The following EEA1 variants were observed in gnomAD, a reference collection of about 807,000 sequenced individuals.
EEA1 encodes early endosome antigen 1.
EEA1 carries 111 observed loss-of-function variants against 209.2 expected under a neutral mutation model. The observed-to-expected ratio is 0.53, with a 90% CI of 0.45 to 0.62. The LOEUF (loss-of-function observed/expected upper bound fraction) is 0.62. Ranked by LOEUF, EEA1 falls within the 20% of genes least tolerant of loss-of-function variation. EEA1 has a pLI of 0.00. For synonymous variants in EEA1, 536 were observed against 540.6 expected, an observed-to-expected ratio of 0.99 and a Z score of 0.12; for missense variants, 1,343 against 1,530.8, an observed-to-expected ratio of 0.88 and a Z score of 2.05.
chr12:92,835,908 T>C (rs1323237419), intron 10 of EEA1, among the ~76,000 whole-genome samples: 1 of 152,214 alleles, frequency 6.6e-6, no homozygotes, highest in Non-Finnish European at 1.5e-5. Flanking sequence ...TTGTAATTTT[T>C]ACAGGCAAAA....
intron 23 of EEA1, among the ~76,000 whole-genome samples, chr12:92,780,748 TATCTCAGTTA>T (rs1342857724): frequency 6.6e-6 from 1 of 152,218 alleles, no homozygotes; most frequent in Non-Finnish European, 1.5e-5. Flanking sequence ...GTTAGGATAT[TATCTCAGTTA>T]ATCTCTAGTA....
chr12:92,807,132 T>C (rs971043631), intron 18 of EEA1, among the ~76,000 whole-genome samples: 1 of 152,118 alleles, frequency 6.6e-6, no homozygotes, highest in African/African-American at 2.4e-5. Flanking sequence ...TTTTGTATTT[T>C]TAGTGGAGAC....
At chr12:92,836,859 A>C (rs1344228382) in intron 10 of EEA1, among the ~76,000 whole-genome samples, 1 of 152,172 alleles carries the variant, frequency 6.6e-6, no homozygotes, top group Non-Finnish European at 1.5e-5. Flanking sequence ...GCAGTGGCTC[A>C]CATCTGTAAT....
Position 92,778,242 on chromosome 12 carries a change from G to A in EEA1, c.3655-63C>T, listed in dbSNP as rs1873747999. The A allele has an allele frequency of 6.9e-6, 9 of 1,295,494 alleles. No individual in the cohort carries two copies. In the Admixed American group the frequency reaches 1.8e-4, roughly 26 times the overall value. The allele number at this position is 1,295,494 out of a possible 1,614,324, so 80.2% of individuals were successfully genotyped here. ...AAAGTAGTGCAAAATAAATGTAAGT[G>A]ATTTATTACATTTAAAATACTGGCA... On this transcript the variant is annotated intron_variant, in intron 25 of 28. Transcript: ENST00000322349.
At chr12:92,784,905 A>G (rs1201201142) in intron 22 of EEA1, among the ~76,000 whole-genome samples, 1 of 152,012 alleles carries the variant, frequency 6.6e-6, no homozygotes, top group Non-Finnish European at 1.5e-5. Context: ...AAATGGATCA[A>G]ATACCAACCT....
Position 92,886,194 on chromosome 12 carries a change from G to GA in EEA1, c.117+5434dup, listed in dbSNP as rs201671638. On this transcript the variant is annotated intron_variant, in intron 2 of 28. Transcript: ENST00000322349. ...ACTAAGAAAAAGAAAGATCAAATTT[G>GA]AAAAAAAAAAAAAACAATCAGAACT... Among the ~76,000 whole-genome samples the GA allele has an allele frequency of 7.4e-3, 867 of 117,484 alleles. 3 individuals carry two copies. Among genetic ancestry groups the GA allele is most frequent in the Non-Finnish European group, 9.6e-3 (534 of 55,352 alleles). 77.1% of individuals were successfully genotyped at this position (117,484 alleles called of 152,430 possible). A position where few individuals can be genotyped will look rare whatever the true frequency, so the allele number is the denominator to read the frequency against.
chr12:92,802,220 T>C (rs1487096614), intron 19 of EEA1, among the ~76,000 whole-genome samples, 184 bp downstream of exon 19: 2 of 152,014 alleles, frequency 1.3e-5, no homozygotes, highest in Non-Finnish European at 2.9e-5. Context: ...CACAGGTGCA[T>C]ACACACACAT....
At chr12:92,798,345 A>ATTT (rs202235633) in intron 21 of EEA1, among the ~76,000 whole-genome samples, 7 of 149,482 alleles carry the variant, frequency 4.7e-5, no homozygotes, top group African/African-American at 4.9e-5. Flanking sequence ...CATTATTATT[A>ATTT]TTATTATTTT....
chr12:92,808,043 T>C (rs1022952015), intron 18 of EEA1, among the ~76,000 whole-genome samples: 1 of 152,182 alleles, frequency 6.6e-6, no homozygotes, highest in Non-Finnish European at 1.5e-5. Flanking sequence ...TTTTATGGTA[T>C]ATTAAAAATA....
At chr12:92,870,746 G>A (rs750782113) in intron 2 of EEA1, among the ~76,000 whole-genome samples, 9 of 151,676 alleles carry the variant, frequency 5.9e-5, no homozygotes, top group East Asian at 1.9e-4. Flanking sequence ...GCATGATCTC[G>A]GCTCACTACA....
chr12:92,822,550 T>C (rs1287799972), intron 13 of EEA1, among the ~76,000 whole-genome samples: 1 of 143,028 alleles, frequency 7.0e-6, no homozygotes, highest in Non-Finnish European at 1.6e-5. Context: ...CTTTCGACCC[T>C]TCCTATTCCT....
chr12:92,771,059 C>G lies in EEA1; in HGVS notation c.*4952G>C, dbSNP rs1873415258. The G allele has an allele frequency of 6.6e-6, 1 of 151,030 alleles. No individual in the cohort carries two copies. The highest frequency in any genetic ancestry group is 1.5e-5 in the Non-Finnish European group (1 of 67,760). 9.4% of individuals were successfully genotyped at this position (151,030 alleles called of 1,614,324 possible). A position where few individuals can be genotyped will look rare whatever the true frequency, so the allele number is the denominator to read the frequency against. On this transcript the variant is annotated 3_prime_UTR_variant, in exon 29 of 29. Coordinates refer to ENST00000322349, the MANE Select transcript of EEA1 (RefSeq NM_003566.4). The stretch of plus-strand genomic sequence containing the variant: ...AGTCACTTAATTTTATTTGGCAGGA[C>G]TTCAAATTTCTTCAGAATTTTTATC...
chr12:92,910,633 T>G (rs1265969433), intron 1 of EEA1, among the ~76,000 whole-genome samples: 2 of 152,152 alleles, frequency 1.3e-5, no homozygotes, highest in African/African-American at 4.8e-5. Context: ...ATTAATAAGC[T>G]GGACTTCATT....
rs142427017 is a variant in EEA1 at position 92,815,358 on chromosome 12, T to A, written c.1929+842A>T. On this transcript the variant is annotated intron_variant, in intron 15 of 28. Coordinates refer to ENST00000322349, the MANE Select transcript of EEA1 (RefSeq NM_003566.4). ...TAGTTCATTCACATTGTCACTAGACTCCCATTCCCTCCTCATTCCCCTCCC... is the reference window on the plus strand; with the variant it reads ...TAGTTCATTCACATTGTCACTAGACACCCATTCCCTCCTCATTCCCCTCCC... Among the ~76,000 whole-genome samples, 881 of 152,280 alleles carry A rather than the reference T, an allele frequency of 5.8e-3. 7 individuals carry two copies. The highest frequency in any genetic ancestry group is 0.02 in the African/African-American group (833 of 41,562).
intron 11 of EEA1, among the ~76,000 whole-genome samples, chr12:92,829,163 CA>C (rs759328905): frequency 9.2e-5 from 14 of 152,074 alleles, no homozygotes; most frequent in Non-Finnish European, 2.9e-5. Context: ...TAAACGCAGC[CA>C]GGCACAGTGG....
Position 92,857,335 on chromosome 12 carries a change from T to A in EEA1, c.306A>T (p.Glu102Asp). ...VQDLQASLKEEKWYSEELKKE... is the reference protein window; with the variant it reads ...VQDLQASLKEDKWYSEELKKE... ...TCTTTAATTCTTCCGAGTACCATTT[T>A]TCTTCCTAATAAAAAAGATTTTTAA... The change falls in exon 5 of 29, where the codon GAA becomes GAT. Residue 102 changes from glutamate to aspartate, a missense_variant. Physicochemically the swap from Glu to Asp is conservative, Grantham distance 45. This residue lies in a region of EEA1 where 1,307 missense variants were observed against 1,465.5 expected (regional missense o/e 0.89). Coordinates refer to ENST00000322349, the MANE Select transcript of EEA1 (RefSeq NM_003566.4). 6.3e-7 allele frequency: 1 copy of A among 1,589,056 alleles called. No individual in the cohort carries two copies. Among genetic ancestry groups the A allele is most frequent in the Non-Finnish European group, 8.5e-7 (1 of 1,170,962 alleles).
intron 15 of EEA1, among the ~76,000 whole-genome samples, chr12:92,815,174 G>A (rs1215978295): frequency 6.6e-6 from 1 of 152,108 alleles, no homozygotes; most frequent in African/African-American, 2.4e-5. Context: ...CAAAGAAGAA[G>A]TTACTGTCAA....
At chr12:92,926,940 CCTGTGAGT>C (rs1881238609) in intron 1 of EEA1, among the ~76,000 whole-genome samples, 3 of 152,134 alleles carry the variant, frequency 2.0e-5, no homozygotes, top group African/African-American at 7.2e-5. Context: ...TCCCAAACAG[CCTGTGAGT>C]TCTAAAGGGA....
chr12:92,913,696 T>G (rs1327033198), intron 1 of EEA1, among the ~76,000 whole-genome samples: 1 of 152,210 alleles, frequency 6.6e-6, no homozygotes, highest in Non-Finnish European at 1.5e-5. Flanking sequence ...AGTCTTGCTC[T>G]GTCACCCGGG....
Sources: allele counts gnomAD v4.1 joint callset (sites outside exome capture counted in the v4.1 genomes callset), GRCh38; gene constraint gnomAD v4.1.1; regional missense constraint gnomAD v4.1.1; transcripts MANE v1.5; gene names NCBI Gene and HGNC (gene_info 2026-07-23, HGNC 2026-07-21).